Variants in ZC3HAV1 observed in about 807,000 individuals in gnomAD.
ZC3HAV1 encodes zinc finger CCCH-type containing, antiviral 1, also known as zinc finger CCCH-type antiviral protein 1.
A neutral mutation model predicts 86.6 loss-of-function variants in ZC3HAV1; 41 were observed. The observed-to-expected ratio is 0.47, with a 90% CI of 0.37 to 0.61. The LOEUF (loss-of-function observed/expected upper bound fraction) is 0.61. Ranked by LOEUF, ZC3HAV1 falls within the 20% of genes least tolerant of loss-of-function variation. ZC3HAV1 has a pLI of 0.00. For synonymous variants in ZC3HAV1, 421 were observed against 432.1 expected, an observed-to-expected ratio of 0.97 and a Z score of 0.32; for missense variants, 964 against 1,141.1, an observed-to-expected ratio of 0.84 and a Z score of 2.24.
At position 139,108,045 on chromosome 7, in the gene ZC3HAV1, A is replaced by G. The variant is rs1239642084; in HGVS notation, c.308+979T>C. On this transcript the variant is annotated intron_variant, in intron 1 of 12. Coordinates refer to ENST00000242351, the MANE Select transcript of ZC3HAV1 (RefSeq NM_020119.4). This position sits in a 1 kb window ranked among gnomAD's most constrained non-coding sequence, Gnocchi z 4.2. The stretch of plus-strand genomic sequence containing the variant: ...TGATGACAGATTGTGAGGAGGATTA[A>G]AACCCTGCCTGGGGGAAAAGATGAG... Among the ~76,000 whole-genome samples, 3 of 152,166 alleles carry G rather than the reference A, an allele frequency of 2.0e-5. No individual in the cohort carries two copies. The highest frequency in any genetic ancestry group is 4.4e-5 in the Non-Finnish European group (3 of 68,032).
intron 12 of ZC3HAV1, among the ~76,000 whole-genome samples, chr7:139,048,258 C>T (rs1441483264): frequency 6.6e-6 from 1 of 152,164 alleles, no homozygotes; most frequent in Non-Finnish European, 1.5e-5. Flanking sequence ...TGCTTCCATA[C>T]ACAGCAGACC....
chr7:139,058,991 C>A (rs1016880618), intron 9 of ZC3HAV1, among the ~76,000 whole-genome samples: 1 of 147,110 alleles, frequency 6.8e-6, no homozygotes, highest in Admixed American at 7.0e-5. Context: ...GTTAAAAAAT[C>A]AAAATTACCG....
chr7:139,082,751 C>T (rs1817161764), intron 3 of ZC3HAV1, among the ~76,000 whole-genome samples: 1 of 152,092 alleles, frequency 6.6e-6, no homozygotes, highest in African/African-American at 2.4e-5. Context: ...TACGATTCCA[C>T]TTATATGAAG....
intron 1 of ZC3HAV1, among the ~76,000 whole-genome samples, chr7:139,097,091 T>C (rs1273321960): frequency 6.6e-6 from 1 of 151,662 alleles, no homozygotes; most frequent in African/African-American, 2.4e-5. Flanking sequence ...TGAGCAGAGA[T>C]CGTGCCACTG....
chr7:139,087,570 T>G (rs1817307720), intron 2 of ZC3HAV1, among the ~76,000 whole-genome samples: 1 of 152,022 alleles, frequency 6.6e-6, no homozygotes, highest in African/African-American at 2.4e-5. Context: ...CCCCAACAAG[T>G]CTTTATAATG....
chr7:139,078,662 CA>C lies in ZC3HAV1; in HGVS notation c.1472-10del. The C allele has an allele frequency of 2.6e-6, 4 of 1,551,762 alleles. No individual in the cohort carries two copies. Among genetic ancestry groups the C allele is most frequent in the Non-Finnish European group, 3.5e-6 (4 of 1,156,472 alleles). The stretch of plus-strand genomic sequence containing the variant: ...GACATCAGATAAAGAATCTATGAAA[CA>C]AAAAAGGATGCATGTATGCTGATCT... On this transcript the variant is annotated splice_polypyrimidine_tract_variant and intron_variant, in intron 4 of 12. Transcript: ENST00000242351.
At chr7:139,070,642 C>T (rs112806606) in intron 7 of ZC3HAV1, among the ~76,000 whole-genome samples, 35,413 of 138,586 alleles carry the variant, frequency 0.26, 6,123 homozygotes, top group African/African-American at 0.48. Context: ...CCAGCCTGGG[C>T]GACAGAGCGA....
chr7:139,060,518 C>T (rs1467658778), intron 9 of ZC3HAV1: 1 of 994,974 alleles, frequency 1.0e-6, no homozygotes, highest in Non-Finnish European at 1.2e-6. Context: ...CTCTATAAAT[C>T]GTGTAGGAAA....
intron 1 of ZC3HAV1, among the ~76,000 whole-genome samples, chr7:139,107,664 G>A (rs1817974947): frequency 6.6e-6 from 1 of 152,134 alleles, no homozygotes; most frequent in African/African-American, 2.4e-5. Context: ...TTGGCCGGGT[G>A]CGATGGTGCA....
rs1816658186 is a variant in ZC3HAV1, at chr7:139,068,033, A to ATT, written c.1873-3036_1873-3035dup. ...AGGACCTCTTTCTTTCTTTATTATT[A>ATT]TTATTATTATTATTATTATTATTAT... On this transcript the variant is annotated intron_variant, in intron 7 of 12. Transcript: ENST00000242351. Among the ~76,000 whole-genome samples the ATT allele has an allele frequency of 4.0e-4, 32 of 80,776 alleles. No homozygotes were observed. The South Asian group carries it at 0.01, about 26-fold the overall frequency. The allele number at this position is 80,776 out of a possible 152,430, so 53.0% of individuals were successfully genotyped here.
intron 1 of ZC3HAV1, among the ~76,000 whole-genome samples, chr7:139,094,683 T>C (rs981683628): frequency 6.6e-6 from 1 of 152,174 alleles, no homozygotes; most frequent in African/African-American, 2.4e-5. Context: ...TCTAAACAAC[T>C]AGCCTGCACA....
In ZC3HAV1 at chr7:139,047,397, G is replaced by A; in HGVS notation, c.*197C>T. 1.6e-6 allele frequency: 1 copy of A among 624,114 alleles called. No individual in the cohort carries two copies. Among genetic ancestry groups the A allele is most frequent in the Non-Finnish European group, 2.7e-6 (1 of 373,656 alleles). 38.7% of individuals were successfully genotyped at this position (624,114 alleles called of 1,614,324 possible). The stretch of plus-strand genomic sequence containing the variant: ...GCCCAGAAATGATTTCATTGGCATG[G>A]GGTGCAACCTGGGCATCAGAATTTG... On this transcript the variant is annotated 3_prime_UTR_variant, in exon 13 of 13. Coordinates refer to ENST00000242351, the MANE Select transcript of ZC3HAV1 (RefSeq NM_020119.4).
At chr7:139,057,186 T>C (rs1050147897) in intron 9 of ZC3HAV1, among the ~76,000 whole-genome samples, 3 of 152,008 alleles carry the variant, frequency 2.0e-5, no homozygotes, top group Non-Finnish European at 4.4e-5. Context: ...CCCCTCCCCA[T>C]CTCTAGAAAC....
chr7:139,049,389 G>A (rs911886405), intron 12 of ZC3HAV1: 1 of 152,002 alleles, frequency 6.6e-6, no homozygotes, highest in Admixed American at 6.6e-5. Context: ...TTCTTCTTTT[G>A]AGAAATGTCT....
intron 10 of ZC3HAV1, 48 bp from the exon 11 acceptor site, chr7:139,054,143 G>A (rs1358313095): frequency 6.6e-7 from 1 of 1,510,652 alleles, no homozygotes; most frequent in Non-Finnish European, 8.8e-7. Context: ...AACATTTAAA[G>A]CATGATACAT....
At chr7:139,080,894 C>CT (rs3834331) in intron 3 of ZC3HAV1, among the ~76,000 whole-genome samples, 8,007 of 152,248 alleles carry the variant, frequency 0.053, 235 homozygotes, top group Admixed American at 0.066. Flanking sequence ...ATTCACAATG[C>CT]TCAAAGAAAC....
chr7:139,058,447 C>G (rs912244093), intron 9 of ZC3HAV1, among the ~76,000 whole-genome samples: 1 of 147,162 alleles, frequency 6.8e-6, no homozygotes, highest in Non-Finnish European at 1.5e-5. Context: ...CCAACCCCCC[C>G]CCCCCCCACA....
At chr7:139,086,030 A>G (rs963554039) in intron 2 of ZC3HAV1, among the ~76,000 whole-genome samples, 2 of 151,370 alleles carry the variant, frequency 1.3e-5, no homozygotes, top group African/African-American at 4.9e-5. Context: ...AAAAAAAAAA[A>G]TCCAAATTGC....
chr7:139,070,987 A>G (rs1816756764), intron 7 of ZC3HAV1, among the ~76,000 whole-genome samples: 1 of 152,152 alleles, frequency 6.6e-6, no homozygotes. Flanking sequence ...TGTCTCAAAA[A>G]AAAAAAAGCT....
Sources: allele counts gnomAD v4.1 joint callset (sites outside exome capture counted in the v4.1 genomes callset), GRCh38; gene constraint gnomAD v4.1.1; non-coding constraint Gnocchi (gnomAD v3.1); transcripts MANE v1.5; gene names NCBI Gene and HGNC (gene_info 2026-07-23, HGNC 2026-07-21).